Variants in DOP1B observed in about 807,000 individuals in gnomAD.
The protein encoded by DOP1B is DOP1 leucine zipper like protein B.
DOP1B carries 174 observed loss-of-function variants against 233.5 expected under a neutral mutation model. The observed-to-expected ratio is 0.75, with a 90% CI of 0.66 to 0.85. DOP1B has a LOEUF of 0.85. DOP1B is among the 40% of genes least tolerant of loss of function. The pLI is 0.00. For synonymous variants in DOP1B, 1,190 were observed against 1,185.6 expected, an observed-to-expected ratio of 1.00 and a Z score of -0.08; for missense variants, 2,652 against 2,846.6, an observed-to-expected ratio of 0.93 and a Z score of 1.56.
At chr21:36,212,914 T>A (rs1349329126) in intron 7 of DOP1B, among the ~76,000 whole-genome samples, 2 of 152,190 alleles carry the variant, frequency 1.3e-5, no homozygotes, top group African/African-American at 4.8e-5. Context: ...CCCAAGTAGC[T>A]GGGATTGCAG....
chr21:36,183,866 CTTT>C (rs869202145), intron 2 of DOP1B, among the ~76,000 whole-genome samples: 9 of 137,404 alleles, frequency 6.6e-5, no homozygotes, highest in Admixed American at 7.3e-5. Flanking sequence ...TACATGGTTT[CTTT>C]TTTTTTTTTT....
At position 36,239,842 on chromosome 21, in the gene DOP1B, G is replaced by A. The variant is rs763751996; in HGVS notation, c.2954G>A (p.Arg985His). ...IGAAAQGWLV[R>H]ALSLGDVARI... ...GCGGCAGCCCAGGGCTGGCTGGTGC[G>A]TGCGCTCTCCCTCGGGGACGTGGCT... The change falls in exon 18 of 37, where the codon CGT (arginine) becomes CAT (histidine). Residue 985 changes from arginine (R) to histidine (H), a missense_variant. Transcript: ENST00000691173. 4.4e-6 allele frequency: 7 copies of A among 1,579,476 alleles called. No individual in the cohort carries two copies. In the East Asian group the frequency reaches 9.3e-5, roughly 21 times the overall value.
chr21:36,221,143 A>G lies in DOP1B; in HGVS notation c.1250+1651A>G, dbSNP rs559880787. On this transcript the variant is annotated intron_variant, in intron 10 of 36. Coordinates refer to ENST00000691173, the MANE Select transcript of DOP1B (RefSeq NM_001320714.2). The stretch of plus-strand genomic sequence containing the variant: ...GTTTTTTAAAATGCAAGTTGTGAGT[A>G]GCTCTACACTATTCTCCTATGGGAT... Among the ~76,000 whole-genome samples, 4 of 151,938 alleles carry G rather than the reference A, an allele frequency of 2.6e-5. No homozygotes were observed. The South Asian group carries it at 8.3e-4, about 32-fold the overall frequency.
intron 19 of DOP1B, among the ~76,000 whole-genome samples, chr21:36,247,200 G>A (rs997320508): frequency 1.3e-5 from 2 of 152,036 alleles, no homozygotes; most frequent in Non-Finnish European, 2.9e-5. Flanking sequence ...TTTCAAATCC[G>A]CACAGGTACC....
chr21:36,187,645 T>A (rs1349233249), intron 2 of DOP1B, among the ~76,000 whole-genome samples: 2 of 152,010 alleles, frequency 1.3e-5, no homozygotes, highest in African/African-American at 4.8e-5. Context: ...CTCACTTTGT[T>A]GCCCAGGCTG....
chr21:36,235,682 C>T (rs573487021), intron 15 of DOP1B, among the ~76,000 whole-genome samples: 14 of 152,134 alleles, frequency 9.2e-5, no homozygotes, highest in South Asian at 4.2e-4. Flanking sequence ...GAGTTGACAT[C>T]GTGCCACTGC....
At chr21:36,169,042 C>CTA in intron 2 of DOP1B, 1 of 853,338 alleles carries the variant, frequency 1.2e-6, no homozygotes, top group Non-Finnish European at 2.0e-6. Flanking sequence ...CCTCCATGGT[C>CTA]TGGAAGCGGC....
intron 23 of DOP1B, among the ~76,000 whole-genome samples, chr21:36,257,506 C>A (rs115592710): frequency 6.6e-6 from 1 of 152,292 alleles, no homozygotes; most frequent in African/African-American, 2.4e-5. Flanking sequence ...AGATTAGAGT[C>A]CTGCCTTGGG....
chr21:36,169,581 G>T (rs1350903715), intron 2 of DOP1B: 7 of 1,049,464 alleles, frequency 6.7e-6, no homozygotes, highest in Non-Finnish European at 8.9e-6. Flanking sequence ...TGCTGCTGTA[G>T]CCCCTCCTGG....
At chr21:36,283,164 C>T (rs2067437872) in intron 32 of DOP1B, among the ~76,000 whole-genome samples, 1 of 151,848 alleles carries the variant, frequency 6.6e-6, no homozygotes, top group African/African-American at 2.4e-5. Context: ...TCATTGAAAC[C>T]TCCGCCTCCT....
Position 36,293,678 on chromosome 21 carries a change from T to G in DOP1B, c.*107T>G. The G allele has an allele frequency of 7.7e-7, 1 of 1,302,132 alleles. No homozygotes were observed. The highest frequency in any genetic ancestry group is 2.3e-5 in the East Asian group (1 of 43,214). The allele number at this position is 1,302,132 out of a possible 1,614,324, so 80.7% of individuals were successfully genotyped here. ...GGATAGTGCTTTTGAACAAGCCTAT[T>G]TCCATTTTGAAAGTAGATTTCAGGC... On this transcript the variant is annotated 3_prime_UTR_variant, in exon 37 of 37. Transcript: ENST00000691173.
chr21:36,283,246 A>T (rs1230810229), intron 32 of DOP1B, among the ~76,000 whole-genome samples: 1 of 151,776 alleles, frequency 6.6e-6, no homozygotes, highest in South Asian at 2.1e-4. Flanking sequence ...ATGTCCGGCT[A>T]ATTTTTGAAT....
chr21:36,260,701 G>GT lies in DOP1B; in HGVS notation c.5285dup (p.Leu1763ValfsTer49). 1 of 1,614,058 alleles carries GT rather than the reference G, an allele frequency of 6.2e-7. No individual in the cohort carries two copies. Among genetic ancestry groups the GT allele is most frequent in the South Asian group, 1.1e-5 (1 of 91,060 alleles). On this transcript the variant is annotated frameshift_variant, in exon 24 of 37. Transcript: ENST00000691173. LOFTEE classifies it high-confidence loss of function. The stretch of plus-strand genomic sequence containing the variant: ...GAAATCGCCCCTAGTGGACATTCCT[G>GT]TGTTGCAGTTTTGCTATGCTTTTCT...
intron 7 of DOP1B, among the ~76,000 whole-genome samples, chr21:36,212,402 C>A (rs907811876): frequency 1.1e-4 from 16 of 152,118 alleles, no homozygotes; most frequent in Admixed American, 2.0e-4. Context: ...CAGGTAGAAG[C>A]CTGTTGCTAT....
chr21:36,277,431 C>T (rs893112968), intron 28 of DOP1B, among the ~76,000 whole-genome samples: 2 of 150,516 alleles, frequency 1.3e-5, no homozygotes, highest in Non-Finnish European at 3.0e-5. Flanking sequence ...TACAGGTGCG[C>T]GCCATCACGC....
At position 36,278,323 on chromosome 21, in the gene DOP1B, C is replaced by T. The variant is rs142625841; in HGVS notation, c.5937C>T (p.Pro1979=). Residue 1979 remains proline (P), a synonymous_variant, in exon 30 of 37, where the codon CCC becomes CCT. Coordinates refer to ENST00000691173, the MANE Select transcript of DOP1B (RefSeq NM_001320714.2). ...AGGTCCTGGAGCTGTTTCTCGACCC[C>T]GCTTTCTTTCAGATGGATACTTCCT... ...RKEVLELFLD[P]AFFQMDTSCV... 1.7e-4 allele frequency: 280 copies of T among 1,613,676 alleles called. No homozygotes were observed. Among genetic ancestry groups the T allele is most frequent in the Non-Finnish European group, 2.1e-4 (253 of 1,180,018 alleles).
chr21:36,247,859 A>G (rs1365554224), intron 20 of DOP1B, among the ~76,000 whole-genome samples: 2 of 152,280 alleles, frequency 1.3e-5, no homozygotes, highest in African/African-American at 4.8e-5. Context: ...ATGCATGTAT[A>G]TAATTAACGC....
chr21:36,162,521 A>G (rs1220796664), intron 1 of DOP1B, among the ~76,000 whole-genome samples: 4 of 151,710 alleles, frequency 2.6e-5, no homozygotes, highest in Non-Finnish European at 4.4e-5. Flanking sequence ...ATCCCATGAC[A>G]TAATCACCTC....
At chr21:36,262,806 G>A (rs961278446) in intron 24 of DOP1B, among the ~76,000 whole-genome samples, 1 of 151,882 alleles carries the variant, frequency 6.6e-6, no homozygotes. Context: ...AACGAGAATC[G>A]CTTAAACCCG....
Sources: allele counts gnomAD v4.1 joint callset (sites outside exome capture counted in the v4.1 genomes callset), GRCh38; gene constraint gnomAD v4.1.1; transcripts MANE v1.5; gene names NCBI Gene and HGNC (gene_info 2026-07-23, HGNC 2026-07-21).